ARSF: variants seen among roughly 807,000 people sequenced by gnomAD.
ARSF encodes the protein arylsulfatase F.
A neutral mutation model predicts 35.4 loss-of-function variants in ARSF; 33 were observed. The ratio of observed to expected loss-of-function variants is 0.93; its 90% confidence interval spans 0.71 to 1.25. The LOEUF (loss-of-function observed/expected upper bound fraction) is 1.25. Ranked by LOEUF, ARSF falls within the 50% of genes most tolerant of loss-of-function variation. ARSF has a pLI of 0.00. For synonymous variants in ARSF, 222 were observed against 193.1 expected (o/e 1.15, Z -1.24); for missense variants, 501 against 480.2 (o/e 1.04, Z -0.40).
chrX:3,064,235 A>G (rs1404454276), intron 1 of ARSF, among the ~76,000 whole-genome samples: 1 of 112,286 alleles, frequency 8.9e-6, no homozygotes, highest in African/African-American at 3.2e-5. Flanking sequence ...TGGTGCTGGG[A>G]AAACTGGCTA....
chrX:3,069,525 A>C (rs1006459829), intron 2 of ARSF, among the ~76,000 whole-genome samples: 1 of 109,987 alleles, frequency 9.1e-6, no homozygotes, highest in Non-Finnish European at 1.9e-5. Context: ...GGGTCTCACT[A>C]TGTTACCCAG....
At chrX:3,100,374 A>G (rs1485019857) in intron 7 of ARSF, among the ~76,000 whole-genome samples, 4 of 112,289 alleles carry the variant, frequency 3.6e-5, no homozygotes, top group African/African-American at 1.3e-4. Context: ...TCTGTGCAAC[A>G]TCAGTCAGAA....
In ARSF at chrX:3,112,207, C is replaced by T. The variant is rs142529716; in HGVS notation, c.1424C>T (p.Pro475Leu). ...GTTTGGAAGGCTCACTATGTGACCC[C>T]GGTATTCCAGCCACCAGCTTCTGGT... Reference protein sequence around the residue: ...GSVWKAHYVTPVFQPPASGGC... With the variant: ...GSVWKAHYVTLVFQPPASGGC... Residue 475 changes from proline to leucine, a missense_variant, in exon 11 of 11, where the codon CCG becomes CTG. By Grantham distance (98) the Pro-to-Leu change is moderately conservative (BLOSUM62 -3). Transcript: ENST00000381127. The T allele has an allele frequency of 6.2e-5, 75 of 1,207,014 alleles. No individual in the cohort carries two copies. Among genetic ancestry groups the T allele is most frequent in the African/African-American group, 6.2e-4 (35 of 56,658 alleles).
At chrX:3,081,691 G>A (rs2090202957) in intron 5 of ARSF, among the ~76,000 whole-genome samples, 1 of 110,993 alleles carries the variant, frequency 9.0e-6, no homozygotes, top group African/African-American at 3.3e-5. Context: ...TATATTACAA[G>A]AACATAAAAT....
intron 1 of ARSF, among the ~76,000 whole-genome samples, chrX:3,046,942 C>A (rs2089977708): frequency 9.1e-6 from 1 of 110,204 alleles, no homozygotes; most frequent in African/African-American, 3.3e-5. Flanking sequence ...AATACACAAA[C>A]ACTAATGATA....
intron 7 of ARSF, among the ~76,000 whole-genome samples, chrX:3,090,663 C>G (rs1263131999): frequency 8.9e-6 from 1 of 112,525 alleles, no homozygotes; most frequent in African/African-American, 3.2e-5. Flanking sequence ...GTGACAGTAG[C>G]TCCCACTTAT....
At chrX:3,073,545 T>A (rs868402218) in intron 3 of ARSF, among the ~76,000 whole-genome samples, 1 of 89,033 alleles carries the variant, frequency 1.1e-5, no homozygotes, top group African/African-American at 4.9e-5. Context: ...TAAATAAATA[T>A]ATATTATTTA....
At chrX:3,067,499 G>A (rs1482228836) in intron 1 of ARSF, among the ~76,000 whole-genome samples, 1 of 111,109 alleles carries the variant, frequency 9.0e-6, no homozygotes, top group Non-Finnish European at 1.9e-5. Context: ...TAAACTTTTA[G>A]GCTTGGCAGG....
At chrX:3,108,967 G>A (rs1420802841) in intron 9 of ARSF, among the ~76,000 whole-genome samples, 1 of 111,322 alleles carries the variant, frequency 9.0e-6, no homozygotes, top group Non-Finnish European at 1.9e-5. Flanking sequence ...ATTGAGCCGA[G>A]ATCGTGCCGT....
intron 1 of ARSF, among the ~76,000 whole-genome samples, chrX:3,055,961 A>T (rs186996483): frequency 0.012 from 1,311 of 110,842 alleles, 24 homozygotes; most frequent in African/African-American, 0.039. Context: ...ATTAAAAAAA[A>T]TTTTTTTCGA....
At chrX:3,057,460 G>A (rs1403490197) in intron 1 of ARSF, among the ~76,000 whole-genome samples, 4 of 111,110 alleles carry the variant, frequency 3.6e-5, no homozygotes, top group Non-Finnish European at 7.5e-5. Context: ...GTAACAGGCA[G>A]AACGTCTTAT....
intron 5 of ARSF, among the ~76,000 whole-genome samples, chrX:3,082,998 T>C (rs1389191310): frequency 1.8e-5 from 2 of 109,979 alleles, no homozygotes. Context: ...TCTATCCAAC[T>C]ACTCACTCTA....
At chrX:3,040,952 C>A (rs1305989388), upstream of ARSF, among the ~76,000 whole-genome samples, 3 of 111,314 alleles carry the variant, frequency 2.7e-5, no homozygotes, top group Non-Finnish European at 5.7e-5. Context: ...TTTAGTTCCT[C>A]ATTTTAAAAT....
chrX:3,106,276 G>C (rs1166319022), intron 9 of ARSF, among the ~76,000 whole-genome samples: 1 of 111,948 alleles, frequency 8.9e-6, no homozygotes, highest in East Asian at 2.8e-4. Context: ...TCAGCTTCAC[G>C]TACAGGTCGG....
chrX:3,081,101 C>G, intron 5 of ARSF, 88 bp downstream of exon 5: 1 of 1,103,643 alleles, frequency 9.1e-7, no homozygotes, highest in Non-Finnish European at 1.2e-6. Context: ...CTTGGAAACG[C>G]TGTATTTTAC....
At chrX:3,093,098 A>G (rs113745435) in intron 7 of ARSF, among the ~76,000 whole-genome samples, 1,232 of 110,983 alleles carry the variant, frequency 0.011, 10 homozygotes, top group South Asian at 0.026. Flanking sequence ...CCTGGGAGGC[A>G]GAGCTTGCAG....
chrX:3,056,241 G>A (rs1359538424), intron 1 of ARSF, among the ~76,000 whole-genome samples: 5 of 108,747 alleles, frequency 4.6e-5, no homozygotes, highest in East Asian at 2.9e-4. Context: ...GATTACAGGC[G>A]TGAGCCACTG....
chrX:3,104,917 G>A (rs2090402819), intron 9 of ARSF, among the ~76,000 whole-genome samples: 1 of 111,883 alleles, frequency 8.9e-6, no homozygotes, highest in African/African-American at 3.2e-5. Flanking sequence ...AAGAAGGTAA[G>A]ATATTTGAGG....
At chrX:3,049,052 T>A (rs1319918579) in intron 1 of ARSF, among the ~76,000 whole-genome samples, 2 of 112,299 alleles carry the variant, frequency 1.8e-5, no homozygotes, top group Admixed American at 9.5e-5. Context: ...TAAATTTTTT[T>A]AAGAGGTTTA....
Sources: gnomAD v4.1 joint callset for allele counts (sites outside exome capture counted in the v4.1 genomes callset) on GRCh38, gnomAD v4.1.1 for gene constraint, MANE v1.5 for transcripts, NCBI Gene and HGNC (gene_info 2026-07-23, HGNC 2026-07-21) for gene names.